GNG3: variants seen among roughly 807,000 people sequenced by gnomAD.
GNG3 encodes G protein subunit gamma 3, also known as guanine nucleotide-binding protein G(I)/G(S)/G(O) subunit gamma-3.
Under a neutral mutation model 5.6 loss-of-function variants are expected in GNG3, and 4 were observed. The ratio of observed to expected loss-of-function variants is 0.71; its 90% CI spans 0.35 to 1.63. GNG3 has a LOEUF of 1.63. Ranked by LOEUF, GNG3 falls within the 40% of genes most tolerant of loss-of-function variation. GNG3 has a pLI of 0.05. For synonymous variants in GNG3, 30 were observed against 33.5 expected (o/e 0.89, Z 0.36); for missense variants, 62 against 96.6 (o/e 0.64, Z 1.50).
At chr11:62,708,474 T>G (rs2083580183) in intron 2 of GNG3, 80 bp downstream of exon 2, 2 of 1,253,582 alleles carry the variant, frequency 1.6e-6, no homozygotes, top group Admixed American at 3.4e-5. Context: ...AGATAAGAGA[T>G]GCGTTCTTTC....
chr11:62,706,478 C>CAAA (rs2083540380), upstream of GNG3: 10 of 398,132 alleles, frequency 2.5e-5, no homozygotes, highest in Non-Finnish European at 4.8e-5. Context: ...CGGCAGGTTT[C>CAAA]CCTCCGGTTA....
In GNG3 at chr11:62,708,384, G is replaced by A. The variant is rs763337071; in HGVS notation, c.89G>A (p.Cys30Tyr). 1.2e-6 allele frequency: 2 copies of A among 1,611,584 alleles called. No individual in the cohort carries two copies. The highest frequency in any genetic ancestry group is 2.2e-5 in the South Asian group (2 of 91,050). Residue 30 changes from cysteine to tyrosine, a missense_variant, in exon 2 of 3, where the codon TGT (cysteine) becomes TAT (tyrosine). This residue lies in a region of GNG3 where 58 missense variants were observed against 75.4 expected (regional missense o/e 0.77). Transcript: ENST00000294117. ...VEQLKIEASL[C>Y]RIKVSKAAAD... ...CAGCTTAAGATTGAAGCCAGCTTGT[G>A]TCGGATAAAGGTAGGTGGGACCCTG...
chr11:62,707,307 A>G, upstream of GNG3: 1 of 944,816 alleles, frequency 1.1e-6, no homozygotes, highest in Non-Finnish European at 1.7e-6. Context: ...TTTCCTGGAT[A>G]TGGAAAATGG....
At chr11:62,706,495 C>G (rs574944387), upstream of GNG3, 7 of 409,606 alleles carry the variant, frequency 1.7e-5, no homozygotes, top group South Asian at 1.1e-4. Context: ...GTTACCGTGA[C>G]CAAAGGGGAA....
rs1248747959 is a variant in GNG3, at chr11:62,708,410, G to A, written c.99+16G>A. On this transcript the variant is annotated intron_variant, in intron 2 of 2. Transcript: ENST00000294117. ...TCGGATAAAGGTAGGTGGGACCCTG[G>A]CTGGCTCCCATTAGTTGGCCAGGCT... is the stretch of plus-strand genomic sequence containing the variant. 6 of 1,566,322 alleles carry A rather than the reference G, an allele frequency of 3.8e-6. No homozygotes were observed. The highest frequency in any genetic ancestry group is 5.3e-6 in the Non-Finnish European group (6 of 1,136,662).
upstream of GNG3, chr11:62,707,147 C>T: frequency 1.2e-5 from 18 of 1,554,698 alleles, no homozygotes; most frequent in Non-Finnish European, 1.6e-5. Flanking sequence ...TCTCCGCACA[C>T]CTCTTTTTCC....
chr11:62,707,169 C>T (rs1186304547), upstream of GNG3: 1 of 1,554,154 alleles, frequency 6.4e-7, no homozygotes, highest in Non-Finnish European at 8.7e-7. Flanking sequence ...CAGCTTCCTC[C>T]TTTTGGTCTA....
intron 2 of GNG3, 44 bp from the exon 3 acceptor site, chr11:62,708,634 T>C: frequency 6.2e-7 from 1 of 1,609,164 alleles, no homozygotes; most frequent in East Asian, 2.2e-5. Context: ...TGCAGTCCCC[T>C]TCAGAGGTCC....
At chr11:62,706,482 C>T, upstream of GNG3, 1 of 397,596 alleles carries the variant, frequency 2.5e-6, no homozygotes, top group South Asian at 1.9e-5. Context: ...AGGTTTCCCT[C>T]CGGTTACCGT....
In GNG3 at chr11:62,708,667, C is replaced by T; in HGVS notation, c.100-11C>T. On this transcript the variant is annotated splice_polypyrimidine_tract_variant and intron_variant, in intron 2 of 2. Transcript: ENST00000294117. ...TCCTGGCTAACAATACCCTTCCTGG[C>T]TGTGTCCCAGGTGTCCAAGGCAGCA... 6.2e-7 allele frequency: 1 copy of T among 1,613,446 alleles called. No homozygotes were observed. Among genetic ancestry groups the T allele is most frequent in the Non-Finnish European group, 8.5e-7 (1 of 1,179,578 alleles).
upstream of GNG3, chr11:62,707,600 G>A (rs1030388863): frequency 3.7e-6 from 2 of 542,428 alleles, no homozygotes; most frequent in Admixed American, 3.1e-5. Context: ...CGACAGTGGG[G>A]GTGTGCGCAG....
rs1394527043 is a variant in GNG3, at chr11:62,708,342, C to T, written c.47C>T (p.Ala16Val). ...AACAGCACTATGAGTATTGGGCAAGCACGCAAGATGGTGGAACAGCTTAAG... is the reference window on the plus strand; with the variant it reads ...AACAGCACTATGAGTATTGGGCAAGTACGCAAGATGGTGGAACAGCTTAAG... Reference protein sequence around the residue: ...PVNSTMSIGQARKMVEQLKIE... With the variant: ...PVNSTMSIGQVRKMVEQLKIE... The change falls in exon 2 of 3, where the codon GCA becomes GTA. Residue 16 changes from alanine to valine, a missense_variant. Ala to Val is a moderately conservative substitution (Grantham distance 64). Coordinates refer to ENST00000294117, the MANE Select transcript of GNG3 (RefSeq NM_012202.5). 6.2e-7 allele frequency: 1 copy of T among 1,613,690 alleles called. No homozygotes were observed. Among genetic ancestry groups the T allele is most frequent in the Non-Finnish European group, 8.5e-7 (1 of 1,179,686 alleles).
At chr11:62,708,565 A>G in intron 2 of GNG3, 113 bp from the exon 3 acceptor site, 5 of 1,464,480 alleles carry the variant, frequency 3.4e-6, no homozygotes, top group Non-Finnish European at 4.7e-6. Context: ...GATGAGGGAG[A>G]AGACAAGTCG....
upstream of GNG3, chr11:62,707,141 C>T (rs17848884): frequency 2.9e-4 from 448 of 1,554,652 alleles, 4 homozygotes; most frequent in East Asian, 0.011. Context: ...ATCTGGTCTC[C>T]GCACACCTCT....
intron 2 of GNG3, 129 bp from the exon 3 acceptor site, chr11:62,708,549 G>T (rs972771734): frequency 2.2e-6 from 3 of 1,354,074 alleles, no homozygotes; most frequent in Admixed American, 4.0e-5. Context: ...CCAGGCCTCT[G>T]GGGGGGATGA....
At chr11:62,707,388 G>A, upstream of GNG3, 1 of 709,722 alleles carries the variant, frequency 1.4e-6, no homozygotes, top group Non-Finnish European at 2.6e-6. Context: ...GAAAGGAGGA[G>A]GGGGGCGACT....
At chr11:62,708,622 G>T (rs748663729) in intron 2 of GNG3, 56 bp from the exon 3 acceptor site, 54 of 1,599,510 alleles carry the variant, frequency 3.4e-5, no homozygotes, top group Non-Finnish European at 4.1e-5. Context: ...GGGGAGGGAG[G>T]CTGCAGTCCC....
upstream of GNG3, chr11:62,707,155 T>TC: frequency 6.4e-6 from 10 of 1,554,548 alleles, no homozygotes; most frequent in Non-Finnish European, 7.8e-6. Context: ...CACCTCTTTT[T>TC]CCCCAGCTTC....
Position 62,709,017 on chromosome 11 carries a change from A to G in GNG3, c.*211A>G. 1.8e-6 allele frequency: 1 copy of G among 559,328 alleles called. No homozygotes were observed. The highest frequency in any genetic ancestry group is 3.2e-6 in the Non-Finnish European group (1 of 308,564). The allele number at this position is 559,328 out of a possible 1,614,324, so 34.6% of individuals were successfully genotyped here. Reference sequence around the variant, plus strand: ...GTGGCCGACCCCAAGCACCCCAGAGATATGAGGCACCCTTTGCTCCACCCA... The same window carrying G: ...GTGGCCGACCCCAAGCACCCCAGAGGTATGAGGCACCCTTTGCTCCACCCA... On this transcript the variant is annotated 3_prime_UTR_variant, in exon 3 of 3. Coordinates refer to ENST00000294117, the MANE Select transcript of GNG3 (RefSeq NM_012202.5).
Sources: allele counts gnomAD v4.1 joint callset, GRCh38; gene constraint gnomAD v4.1.1; regional missense constraint gnomAD v4.1.1; transcripts MANE v1.5; gene names NCBI Gene and HGNC (gene_info 2026-07-23, HGNC 2026-07-21).